CFAP65: variants seen among roughly 807,000 people sequenced by gnomAD.
The protein encoded by CFAP65 is cilia- and flagella-associated protein 65.
CFAP65 carries 155 observed loss-of-function variants against 208.0 expected under a neutral mutation model. The observed-to-expected ratio is 0.75, with a 90% confidence interval of 0.65 to 0.85. The LOEUF is 0.85. CFAP65 is among the 40% of genes least tolerant of loss of function. The pLI, the probability that CFAP65 is intolerant of heterozygous loss-of-function variation, is 0.00. For synonymous variants in CFAP65, 970 were observed against 986.3 expected, an observed-to-expected ratio of 0.98 and a Z score of 0.31; for missense variants, 2,294 against 2,451.3, an observed-to-expected ratio of 0.94 and a Z score of 1.36.
chr2:219,006,284 G>A, intron 30 of CFAP65, 61 bp from the exon 31 acceptor site: 1 of 1,545,830 alleles, frequency 6.5e-7, no homozygotes, highest in Non-Finnish European at 8.8e-7. Context: ...ATCACCAATG[G>A]GGTCCCTTGA....
intron 28 of CFAP65, 33 bp downstream of exon 28, chr2:219,009,314 C>T (rs1946263223): frequency 6.5e-7 from 1 of 1,544,544 alleles, no homozygotes; most frequent in African/African-American, 1.4e-5. Context: ...AGCCATGCCT[C>T]CATCCCACTT....
intron 29 of CFAP65, among the ~76,000 whole-genome samples, chr2:219,007,800 G>C (rs77326380): frequency 6.6e-6 from 1 of 151,364 alleles, no homozygotes; most frequent in South Asian, 2.1e-4. Flanking sequence ...ACATTAAAAA[G>C]TATTTTTAGA....
chr2:219,009,512 A>G lies in CFAP65; in HGVS notation c.4453-52T>C, dbSNP rs1043253978. On this transcript the variant is annotated intron_variant, in intron 27 of 34. Transcript: ENST00000341552. ...GAGATTCACAGGGATGGAATTGGATAGGATGGCACGGAATAGGATGGGATG... is the reference window on the plus strand; with the variant it reads ...GAGATTCACAGGGATGGAATTGGATGGGATGGCACGGAATAGGATGGGATG... The G allele has an allele frequency of 4.0e-6, 5 of 1,252,812 alleles. No homozygotes were observed. The African/African-American group carries it at 7.4e-5, about 18-fold the overall frequency. 77.6% of individuals were successfully genotyped at this position (1,252,812 alleles called of 1,614,324 possible).
At position 219,031,524 on chromosome 2, in the gene CFAP65, A is replaced by C. The variant is rs761813983; in HGVS notation, c.780T>G (p.Asp260Glu). 6.2e-7 allele frequency: 1 copy of C among 1,614,208 alleles called. No homozygotes were observed. The highest frequency in any genetic ancestry group is 1.1e-5 in the South Asian group (1 of 91,084). The change falls in exon 7 of 35, where the codon GAT (aspartate) becomes GAG (glutamate). Residue 260 changes from aspartate (D) to glutamate (E), a missense_variant. By Grantham distance (45) the Asp-to-Glu change is conservative. Transcript: ENST00000341552. The surrounding 1 kb of genome is among the most constrained non-coding windows in gnomAD (Gnocchi z 5.2). ...CCAGGCAGAAAAAGGCCTCAGTCGT[A>C]TCTCCCACAGCACACATGGGCAGCT... ...SLQLPMCAVGDTTEAFFCLDN... is the reference protein window; with the variant it reads ...SLQLPMCAVGETTEAFFCLDN...
chr2:219,030,550 G>C (rs1947945806), intron 9 of CFAP65, 139 bp downstream of exon 9: 1 of 1,190,712 alleles, frequency 8.4e-7, no homozygotes, highest in African/African-American at 1.5e-5. Context: ...GGACACACCT[G>C]TTGACAGCTG....
chr2:219,037,794 G>GTGT (rs1948451726), intron 4 of CFAP65, among the ~76,000 whole-genome samples: 3 of 152,080 alleles, frequency 2.0e-5, no homozygotes, highest in Admixed American at 6.5e-5. Flanking sequence ...CACACCTAAG[G>GTGT]AGCTGGGCAC....
rs748225092 is a variant in CFAP65, at chr2:219,027,881, G to T, written c.1980C>A (p.Phe660Leu). ...PISVEPVEVD[F>L]GACPGPEAPN... The stretch of plus-strand genomic sequence containing the variant: ...GGGCCTCAGGCCCTGGGCAGGCACC[G>T]AAGTCTACCTCGACAGGCTCTACAC... Residue 660 changes from phenylalanine to leucine, a missense_variant, in exon 13 of 35, where the codon TTC becomes TTA. Phe to Leu is a conservative substitution (Grantham distance 22). Coordinates refer to ENST00000341552, the MANE Select transcript of CFAP65 (RefSeq NM_194302.4). The T allele has an allele frequency of 1.3e-5, 21 of 1,560,154 alleles. No individual in the cohort carries two copies. The highest frequency in any genetic ancestry group is 1.6e-5 in the Non-Finnish European group (18 of 1,151,014).
In CFAP65 at chr2:219,024,004, C is replaced by G. The variant is rs1947445696; in HGVS notation, c.2595+11G>C. 2 of 1,609,972 alleles carry G rather than the reference C, an allele frequency of 1.2e-6. No homozygotes were observed. Among genetic ancestry groups the G allele is most frequent in the South Asian group, 1.1e-5 (1 of 90,916 alleles). ...TCCCAAGGACCCAGGTCCCCTCCCT[C>G]TGCCTCCTACCTTGAGATACTGGGG... is the stretch of plus-strand genomic sequence containing the variant. On this transcript the variant is annotated intron_variant, in intron 15 of 34. Coordinates refer to ENST00000341552, the MANE Select transcript of CFAP65 (RefSeq NM_194302.4).
At chr2:219,030,558 C>A (rs544381234) in intron 9 of CFAP65, 131 bp downstream of exon 9, 1 of 1,253,146 alleles carries the variant, frequency 8.0e-7, no homozygotes, top group Non-Finnish European at 1.1e-6. Context: ...CTGTTGACAG[C>A]TGACATGGGT....
intron 5 of CFAP65, among the ~76,000 whole-genome samples, chr2:219,033,354 C>T (rs2089035): frequency 0.24 from 36,830 of 151,922 alleles, 6,934 homozygotes; most frequent in African/African-American, 0.53. Context: ...TGCATGCCTA[C>T]AGTCCCAGCT....
chr2:219,021,903 T>C lies in CFAP65; in HGVS notation c.3007A>G (p.Asn1003Asp). 1.2e-6 allele frequency: 2 copies of C among 1,613,656 alleles called. No individual in the cohort carries two copies. Among genetic ancestry groups the C allele is most frequent in the African/African-American group, 2.7e-5 (2 of 75,038 alleles). ...GACTGCTTGCTGTTCACCAGCACAT[T>C]CCCAAAGGCCAGCTCCTTTTCCTTT... is the stretch of plus-strand genomic sequence containing the variant. ...SAKEKELAFG[N>D]VLVNSKQSRF... The change falls in exon 18 of 35, where the codon AAT becomes GAT. Residue 1003 changes from asparagine (N) to aspartate (D), a missense_variant. By Grantham distance (23) the Asn-to-Asp change is conservative (BLOSUM62 1). Transcript: ENST00000341552.
chr2:219,030,264 A>T (rs1442996766), intron 9 of CFAP65, 56 bp from the exon 10 acceptor site: 1 of 1,545,680 alleles, frequency 6.5e-7, no homozygotes, highest in African/African-American at 1.4e-5. Context: ...GCACTGTATG[A>T]TGGGACAGTC....
At chr2:219,024,982 CA>C (rs1302785460) in intron 14 of CFAP65, among the ~76,000 whole-genome samples, 9 of 152,222 alleles carry the variant, frequency 5.9e-5, no homozygotes, top group African/African-American at 2.2e-4. Flanking sequence ...AGATGATTCT[CA>C]TGCAGGTAAC....
intron 12 of CFAP65, 75 bp from the exon 13 acceptor site, chr2:219,028,084 G>T: frequency 1.3e-6 from 2 of 1,541,404 alleles, no homozygotes; most frequent in East Asian, 2.3e-5. Context: ...GTACACTCCT[G>T]TCTAGAAAGG....
At chr2:219,040,695 C>T (rs1020805188) in intron 1 of CFAP65, 131 bp from the exon 2 acceptor site, 4 of 1,326,360 alleles carry the variant, frequency 3.0e-6, no homozygotes, top group Non-Finnish European at 4.2e-6. Context: ...CTGAAAAAGT[C>T]TCCACTCAAC....
chr2:219,020,379 A>C (rs1003842500), intron 19 of CFAP65, among the ~76,000 whole-genome samples: 19 of 151,276 alleles, frequency 1.3e-4, no homozygotes, highest in African/African-American at 4.2e-4. Flanking sequence ...TTATTTATTT[A>C]ATTTCATTTC....
intron 29 of CFAP65, among the ~76,000 whole-genome samples, chr2:219,007,561 C>T (rs975376205): frequency 6.6e-6 from 1 of 152,204 alleles, no homozygotes; most frequent in Non-Finnish European, 1.5e-5. Context: ...GTGGCAGACA[C>T]CAAGGTGATT....
chr2:219,006,318 G>A lies in CFAP65; in HGVS notation c.4720-95C>T, dbSNP rs1945976903. The stretch of plus-strand genomic sequence containing the variant: ...GACCTAGTTCCCCCACAGGCTCTTT[G>A]GGCCACATAAGCGTGTGACCCCACT... On this transcript the variant is annotated intron_variant, in intron 30 of 34. Transcript: ENST00000341552. The A allele has an allele frequency of 2.7e-6, 4 of 1,486,684 alleles. No individual in the cohort carries two copies. In the Admixed American group the frequency reaches 5.3e-5, roughly 20 times the overall value. The allele number at this position is 1,486,684 out of a possible 1,614,324, so 92.1% of individuals were successfully genotyped here.
rs1031620095 is a variant in CFAP65, at chr2:219,025,936, T to C, written c.2349+86A>G. 3 of 1,517,902 alleles carry C rather than the reference T, an allele frequency of 2.0e-6. No homozygotes were observed. In the African/African-American group the frequency reaches 4.1e-5, roughly 21 times the overall value. 94.0% of individuals were successfully genotyped at this position (1,517,902 alleles called of 1,614,324 possible). On this transcript the variant is annotated intron_variant, in intron 14 of 34. Coordinates refer to ENST00000341552, the MANE Select transcript of CFAP65 (RefSeq NM_194302.4). ...GTGCAAAGATGTGTTTCTGAGGCCA[T>C]CAGAGAATGGGAGAGGGATCTGCAG...
Sources: allele counts gnomAD v4.1 joint callset (sites outside exome capture counted in the v4.1 genomes callset), GRCh38; gene constraint gnomAD v4.1.1; non-coding constraint Gnocchi (gnomAD v3.1); transcripts MANE v1.5; gene names NCBI Gene and HGNC (gene_info 2026-07-23, HGNC 2026-07-21).